Variants in COL23A1 observed in about 807,000 individuals in gnomAD.
COL23A1 encodes collagen alpha-1(XXIII) chain.
In COL23A1, 97 loss-of-function variants were observed where a neutral mutation model predicts 99.3. The ratio of observed to expected loss-of-function variants is 0.98; its 90% CI spans 0.83 to 1.16. The LOEUF (loss-of-function observed/expected upper bound fraction) is 1.16. Among genes scored for constraint, COL23A1 ranks in the 50% most tolerant of loss-of-function variants. COL23A1 has a pLI of 0.00. For synonymous variants in COL23A1, 320 were observed against 308.2 expected, an observed-to-expected ratio of 1.04 and a Z score of -0.40; for missense variants, 762 against 757.4, an observed-to-expected ratio of 1.01 and a Z score of -0.07.
intron 2 of COL23A1, among the ~76,000 whole-genome samples, chr5:178,435,851 C>T (rs1220313038): frequency 6.6e-6 from 1 of 152,300 alleles, no homozygotes; most frequent in East Asian, 1.9e-4. Context: ...CGCGCAGAAT[C>T]GTCTAACACG....
intron 2 of COL23A1, among the ~76,000 whole-genome samples, chr5:178,550,482 C>A (rs566243): frequency 1.3e-5 from 2 of 151,934 alleles, no homozygotes; most frequent in African/African-American, 4.8e-5. Context: ...GGGGGCAAAA[C>A]AGTCCCAGTT....
chr5:178,240,557 G>A (rs900111216), intron 27 of COL23A1, among the ~76,000 whole-genome samples: 5 of 152,250 alleles, frequency 3.3e-5, no homozygotes, highest in African/African-American at 1.2e-4. Context: ...AAGGAGACAA[G>A]GGCTTACTGA....
intron 10 of COL23A1, among the ~76,000 whole-genome samples, chr5:178,262,014 C>T (rs1023079622): frequency 1.3e-5 from 2 of 152,234 alleles, no homozygotes; most frequent in Non-Finnish European, 2.9e-5. Context: ...TGGCTGGTGC[C>T]TCACCCAGCC....
chr5:178,308,723 T>A lies in COL23A1; in HGVS notation c.362-1804A>T, dbSNP rs1350880006. 1.3e-5 allele frequency among the ~76,000 whole-genome samples: 2 copies of A among 152,156 alleles called. No homozygotes were observed. The highest frequency in any genetic ancestry group is 4.8e-5 in the African/African-American group (2 of 41,434). On this transcript the variant is annotated intron_variant, in intron 2 of 28. Coordinates refer to ENST00000390654, the MANE Select transcript of COL23A1 (RefSeq NM_173465.4). The surrounding 1 kb of genome is among the most constrained non-coding windows in gnomAD (Gnocchi z 5.1). ...TGCCTTGGTCTCCTCCCCAGTGCCC[T>A]GTGCGGGGCTGATGGTGCCTGGGAA...
intron 2 of COL23A1, among the ~76,000 whole-genome samples, chr5:178,341,422 T>G (rs2127662515): frequency 6.6e-6 from 1 of 152,270 alleles, no homozygotes; most frequent in Non-Finnish European, 1.5e-5. Flanking sequence ...CCCGGACCCC[T>G]GCTCCAATCG....
chr5:178,366,105 TGGG>T lies in COL23A1; in HGVS notation c.362-59189_362-59187del, dbSNP rs1195784811. ...GTCCTCAGCATCTGGCCCAGCCCCA[TGGG>T]GACCATCTGTTAAAGCTCCATCTAC... On this transcript the variant is annotated intron_variant, in intron 2 of 28. Transcript: ENST00000390654. The surrounding 1 kb of genome is among the most constrained non-coding windows in gnomAD (Gnocchi z 4.4). 6.6e-6 allele frequency among the ~76,000 whole-genome samples: 1 copy of T among 152,132 alleles called. No homozygotes were observed. Among genetic ancestry groups the T allele is most frequent in the Non-Finnish European group, 1.5e-5 (1 of 68,012 alleles).
intron 2 of COL23A1, among the ~76,000 whole-genome samples, chr5:178,373,087 C>T (rs1310772190): frequency 6.6e-6 from 1 of 152,026 alleles, no homozygotes; most frequent in East Asian, 1.9e-4. Context: ...AAGAAACTAA[C>T]ACTATGAGTA....
At chr5:178,472,830 T>A (rs1756828060) in intron 2 of COL23A1, among the ~76,000 whole-genome samples, 1 of 152,084 alleles carries the variant, frequency 6.6e-6, no homozygotes, top group Non-Finnish European at 1.5e-5. Flanking sequence ...AAAATATTTT[T>A]AAAAAATACA....
intron 1 of COL23A1, among the ~76,000 whole-genome samples, chr5:178,585,199 C>T (rs1763865040): frequency 6.6e-6 from 1 of 152,184 alleles, no homozygotes; most frequent in Non-Finnish European, 1.5e-5. Flanking sequence ...GTTATGAGAA[C>T]TTAGGCGGGC....
intron 2 of COL23A1, among the ~76,000 whole-genome samples, chr5:178,427,258 C>T (rs1161116379): frequency 1.3e-5 from 2 of 152,226 alleles, no homozygotes; most frequent in African/African-American, 4.8e-5. Flanking sequence ...AAATCCAGCA[C>T]ACTGAACCAC....
At position 178,580,440 on chromosome 5, in the gene COL23A1, G is replaced by A. The variant is rs369310491; in HGVS notation, c.294+9464C>T. Among the ~76,000 whole-genome samples, 17 of 150,362 alleles carry A rather than the reference G, an allele frequency of 1.1e-4. No homozygotes were observed. The South Asian group carries it at 1.7e-3, about 15-fold the overall frequency. The stretch of plus-strand genomic sequence containing the variant: ...ATAGCCTCTAGAAGTACGCCGACAC[G>A]TGACTTTCAGAGGACATCTGCAAGC... On this transcript the variant is annotated intron_variant, in intron 1 of 28. Transcript: ENST00000390654.
At chr5:178,578,358 C>T (rs1763500136) in intron 1 of COL23A1, among the ~76,000 whole-genome samples, 1 of 152,162 alleles carries the variant, frequency 6.6e-6, no homozygotes, top group Non-Finnish European at 1.5e-5. Flanking sequence ...GTCCCCTTGA[C>T]ATCATGGGAA....
At chr5:178,577,592 C>T (rs1763445027) in intron 1 of COL23A1, among the ~76,000 whole-genome samples, 1 of 152,180 alleles carries the variant, frequency 6.6e-6, no homozygotes, top group African/African-American at 2.4e-5. Context: ...AGCCCAGGGC[C>T]CTCCCAGAAC....
chr5:178,269,155 C>T (rs1389742361), intron 6 of COL23A1, among the ~76,000 whole-genome samples: 1 of 152,100 alleles, frequency 6.6e-6, no homozygotes, highest in African/African-American at 2.4e-5. Context: ...AGGCAGTAGA[C>T]AGAGATTCTC....
At chr5:178,457,602 G>T (rs73805812) in intron 2 of COL23A1, among the ~76,000 whole-genome samples, 2,549 of 152,184 alleles carry the variant, frequency 0.017, 78 homozygotes, top group African/African-American at 0.057. Context: ...GGAATATTAT[G>T]CCCCCATTAA....
chr5:178,279,435 C>T (rs1314721348), intron 5 of COL23A1, among the ~76,000 whole-genome samples: 1 of 152,222 alleles, frequency 6.6e-6, no homozygotes, highest in Non-Finnish European at 1.5e-5. Context: ...ACTCACTGCT[C>T]CCCGGGCAGA....
In COL23A1 at chr5:178,307,203, G is replaced by A. The variant is rs58500355; in HGVS notation, c.362-284C>T. Among the ~76,000 whole-genome samples, 620 of 152,212 alleles carry A rather than the reference G, an allele frequency of 4.1e-3. 7 individuals are homozygous for A. Among genetic ancestry groups the A allele is most frequent in the African/African-American group, 0.014 (590 of 41,528 alleles). On this transcript the variant is annotated intron_variant, in intron 2 of 28. Coordinates refer to ENST00000390654, the MANE Select transcript of COL23A1 (RefSeq NM_173465.4). The surrounding 1 kb of genome is among the most constrained non-coding windows in gnomAD (Gnocchi z 4.2). ...CATCGGCTCACTCAGTCATTCCTAA[G>A]CCCTCCCCTAATCACAAAGATTCCC...
At chr5:178,268,183 C>T (rs1363893144) in intron 7 of COL23A1, among the ~76,000 whole-genome samples, 2 of 152,222 alleles carry the variant, frequency 1.3e-5, no homozygotes, top group East Asian at 3.8e-4. Flanking sequence ...CCGGCTGGCC[C>T]TGGCACACCT....
chr5:178,445,504 G>A lies in COL23A1; in HGVS notation c.361+115178C>T, dbSNP rs193120085. On this transcript the variant is annotated intron_variant, in intron 2 of 28. Transcript: ENST00000390654. Reference sequence around the variant, plus strand: ...AATTATGTAGTCAAATTCCCAAAGCGTCCCATTACGATTCTGATGGAAATC... The same window carrying A: ...AATTATGTAGTCAAATTCCCAAAGCATCCCATTACGATTCTGATGGAAATC... Among the ~76,000 whole-genome samples the A allele has an allele frequency of 3.9e-5, 6 of 152,106 alleles. No individual in the cohort carries two copies. The East Asian group carries it at 7.7e-4, about 20-fold the overall frequency.
Sources: allele counts gnomAD v4.1 joint callset (sites outside exome capture counted in the v4.1 genomes callset), GRCh38; gene constraint gnomAD v4.1.1; non-coding constraint Gnocchi (gnomAD v3.1); transcripts MANE v1.5; gene names NCBI Gene and HGNC (gene_info 2026-07-23, HGNC 2026-07-21).